Variants in P4HA1 observed in about 807,000 individuals in gnomAD.
The protein encoded by P4HA1 is prolyl 4-hydroxylase subunit alpha 1.
A neutral mutation model predicts 72.8 loss-of-function variants in P4HA1; 24 were observed. That is an observed-to-expected ratio of 0.33 (90% CI 0.24 to 0.46). The LOEUF (loss-of-function observed/expected upper bound fraction) is 0.46. P4HA1 is among the 20% of genes least tolerant of loss of function. The pLI, the probability that P4HA1 is intolerant of heterozygous loss-of-function variation, is 1.00. For synonymous variants in P4HA1, 201 were observed against 218.8 expected (o/e 0.92, Z 0.72); for missense variants, 446 against 640.6 (o/e 0.70, Z 3.28).
intron 5 of P4HA1, among the ~76,000 whole-genome samples, chr10:73,064,361 G>C (rs1416122850): frequency 2.0e-5 from 3 of 152,078 alleles, no homozygotes; most frequent in Admixed American, 2.0e-4. Context: ...TGTAGTCCTG[G>C]CTACTTGGGA....
At chr10:73,057,766 G>A (rs1841186609) in intron 5 of P4HA1, among the ~76,000 whole-genome samples, 1 of 151,926 alleles carries the variant, frequency 6.6e-6, no homozygotes, top group Non-Finnish European at 1.5e-5. Context: ...AAAGAATGAT[G>A]AAAAATGAAA....
At chr10:73,016,707 G>A in intron 11 of P4HA1, 139 bp downstream of exon 11, 1 of 498,168 alleles carries the variant, frequency 2.0e-6, no homozygotes, top group Non-Finnish European at 3.7e-6. Flanking sequence ...AACCCAGGAG[G>A]CAGAGGTTGC....
At chr10:73,060,130 TAAGGATATA>T (rs1422545558) in intron 5 of P4HA1, among the ~76,000 whole-genome samples, 4 of 152,198 alleles carry the variant, frequency 2.6e-5, no homozygotes, top group Admixed American at 2.6e-4. Flanking sequence ...TGATATATTT[TAAGGATATA>T]AAGTACAAAA....
At chr10:73,095,228 A>T (rs896397044) in intron 1 of P4HA1, among the ~76,000 whole-genome samples, 22 of 57,588 alleles carry the variant, frequency 3.8e-4, no homozygotes, top group Admixed American at 1.3e-3. Flanking sequence ...CTCACAAGCT[A>T]AAAAAAAAAA....
rs1488117536 is a variant in P4HA1 at position 73,008,202 on chromosome 10, G to T, written c.*20C>A. The T allele has an allele frequency of 1.9e-6, 3 of 1,544,556 alleles. No individual in the cohort carries two copies. The highest frequency in any genetic ancestry group is 1.7e-5 in the Admixed American group (1 of 59,710). On this transcript the variant is annotated 3_prime_UTR_variant, in exon 15 of 15. Transcript: ENST00000394890. ...GACACATAAGAGTACAACAATAGGA[G>T]AAAAAGGGAAGCCTGTTTGTCATTC...
chr10:73,069,253 T>C (rs867366160), intron 4 of P4HA1, among the ~76,000 whole-genome samples: 1 of 152,154 alleles, frequency 6.6e-6, no homozygotes, highest in African/African-American at 2.4e-5. Context: ...TCACCTAACA[T>C]AATAGTTATG....
rs143380430 is a variant in P4HA1, at chr10:73,052,139, T to C, written c.704-890A>G. On this transcript the variant is annotated intron_variant, in intron 6 of 14. Coordinates refer to ENST00000394890, the MANE Select transcript of P4HA1 (RefSeq NM_001017962.3). ...TGCCTCAGAATTGCTAGTCATAATT[T>C]TGAACTACCTTTTAGTAGAAGAAAA... 3.4e-3 allele frequency among the ~76,000 whole-genome samples: 520 copies of C among 151,964 alleles called. 1 individual carries two copies. The highest frequency in any genetic ancestry group is 0.014 in the Middle Eastern group (4 of 294).
At chr10:73,092,051 C>A (rs1207772836) in intron 1 of P4HA1, among the ~76,000 whole-genome samples, 1 of 152,120 alleles carries the variant, frequency 6.6e-6, no homozygotes, top group Non-Finnish European at 1.5e-5. Context: ...TCTTTCTAGT[C>A]TTCAATTATC....
intron 10 of P4HA1, among the ~76,000 whole-genome samples, chr10:73,027,406 CTT>C (rs1840301810): frequency 6.8e-6 from 1 of 147,724 alleles, no homozygotes; most frequent in Non-Finnish European, 1.5e-5. Context: ...AATGAGAACA[CTT>C]GGACACAGGG....
At chr10:73,023,019 T>C (rs185180108) in intron 10 of P4HA1, among the ~76,000 whole-genome samples, 2 of 152,322 alleles carry the variant, frequency 1.3e-5, no homozygotes, top group African/African-American at 4.8e-5. Context: ...CTATGTTTGA[T>C]TGGTGTACAC....
At chr10:73,075,159 G>A (rs866752598) in intron 1 of P4HA1, among the ~76,000 whole-genome samples, 6 of 152,186 alleles carry the variant, frequency 3.9e-5, no homozygotes, top group Middle Eastern at 6.8e-3. Flanking sequence ...CCAGGCTGGA[G>A]TGCCATGGTG....
chr10:73,085,072 C>CA (rs1841898489), intron 1 of P4HA1, among the ~76,000 whole-genome samples: 1 of 152,040 alleles, frequency 6.6e-6, no homozygotes, highest in African/African-American at 2.4e-5. Context: ...ACCCAGGAGG[C>CA]AGAGGGTACT....
intron 1 of P4HA1, among the ~76,000 whole-genome samples, chr10:73,081,809 C>T (rs1439387897): frequency 1.3e-5 from 2 of 152,256 alleles, no homozygotes; most frequent in Admixed American, 6.5e-5. Context: ...CGGAGGCTGG[C>T]GGATCACGAG....
At chr10:73,043,433 C>T (rs964731310) in intron 9 of P4HA1, among the ~76,000 whole-genome samples, 2 of 152,204 alleles carry the variant, frequency 1.3e-5, no homozygotes, top group Non-Finnish European at 2.9e-5. Context: ...GATCAATCAA[C>T]TAATAACCTA....
At chr10:73,055,546 G>A (rs952639884) in intron 5 of P4HA1, among the ~76,000 whole-genome samples, 1 of 152,098 alleles carries the variant, frequency 6.6e-6, no homozygotes, top group African/African-American at 2.4e-5. Flanking sequence ...CATTCTGTGT[G>A]TTGTCTTTTC....
intron 12 of P4HA1, 41 bp downstream of exon 12, chr10:73,014,183 T>C: frequency 7.7e-7 from 1 of 1,305,076 alleles, no homozygotes; most frequent in Non-Finnish European, 1.1e-6. Context: ...AATCTTGTCA[T>C]CAAATCCCAA....
intron 6 of P4HA1, among the ~76,000 whole-genome samples, chr10:73,052,063 G>GTTT (rs1406644540): frequency 6.6e-6 from 1 of 151,868 alleles, no homozygotes; most frequent in Non-Finnish European, 1.5e-5. Context: ...TAAGTAAGAA[G>GTTT]GAAAAGGGAA....
At position 73,053,607 on chromosome 10, in the gene P4HA1, C is replaced by G. The variant is rs777281806; in HGVS notation, c.464-17G>C. The G allele has an allele frequency of 6.2e-7, 1 of 1,609,476 alleles. No homozygotes were observed. ...GTTTCACTCCTATGAAAAGAAAATA[C>G]AGAGAACTTTAGGAATCTTAACACT... On this transcript the variant is annotated splice_polypyrimidine_tract_variant and intron_variant, in intron 5 of 14. Transcript: ENST00000394890.
chr10:73,059,540 G>A (rs556799595), intron 5 of P4HA1, among the ~76,000 whole-genome samples: 62 of 145,090 alleles, frequency 4.3e-4, no homozygotes, highest in African/African-American at 1.5e-3. Context: ...TCAGGAGATC[G>A]AGACCAACCT....
Sources: gnomAD v4.1 joint callset for allele counts (sites outside exome capture counted in the v4.1 genomes callset) on GRCh38, gnomAD v4.1.1 for gene constraint, MANE v1.5 for transcripts, NCBI Gene and HGNC (gene_info 2026-07-23, HGNC 2026-07-21) for gene names.